The following MYH15 variants were observed in gnomAD, a reference collection of about 807,000 sequenced individuals.
The protein encoded by MYH15 is myosin-15.
A neutral mutation model predicts 240.5 loss-of-function variants in MYH15; 227 were observed. The observed-to-expected ratio is 0.94, with a 90% CI of 0.85 to 1.05. The LOEUF is 1.05. Ranked by LOEUF, MYH15 falls within the 50% of genes least tolerant of loss-of-function variation. The pLI is 0.00. For synonymous variants in MYH15, 785 were observed against 796.7 expected (o/e 0.99, Z 0.25); for missense variants, 2,217 against 2,247.5 (o/e 0.99, Z 0.27).
chr3:108,510,590 G>GAA lies in MYH15; in HGVS notation c.-62_-61dup, dbSNP rs150536264. ...AACGTGAGTAGGCAAGATTCAACCT[G>GAA]AAAAAAAAAAATTGATACAGAGAAG... On this transcript the variant is annotated 5_prime_UTR_variant, in exon 1 of 41. Coordinates refer to ENST00000693548, the MANE Select transcript of MYH15 (RefSeq NM_014981.3). 7.8e-3 allele frequency: 10,610 copies of GAA among 1,361,200 alleles called. 1 individual carries two copies. The highest frequency in any genetic ancestry group is 0.013 in the East Asian group (492 of 36,678). The allele number at this position is 1,361,200 out of a possible 1,614,324, so 84.3% of individuals were successfully genotyped here.
intron 31 of MYH15, 112 bp from the exon 32 acceptor site, chr3:108,408,516 C>T: frequency 9.4e-7 from 1 of 1,060,004 alleles, no homozygotes; most frequent in Non-Finnish European, 1.3e-6. Flanking sequence ...TCATGCCACC[C>T]TTGGTAACTT....
rs754408180 is a variant in MYH15, at chr3:108,500,187, T to A, written c.427A>T (p.Lys143Ter). Reference protein sequence around the residue: ...QKEVMAAYKGKRRSEAPPHIF... With the variant: ...QKEVMAAYKG Reference sequence around the variant, plus strand: ...TGAGGGGGAGCCTCTGATCGCCTCTTCCCTTTGTAGGCGGCCATGACTTCT... The same window carrying A: ...TGAGGGGGAGCCTCTGATCGCCTCTACCCTTTGTAGGCGGCCATGACTTCT... Residue 143 changes from lysine (K) to a stop codon, truncating the protein, a stop_gained, in exon 4 of 41, where the codon AAG becomes TAG. Coordinates refer to ENST00000693548, the MANE Select transcript of MYH15 (RefSeq NM_014981.3). LOFTEE classifies it high-confidence loss of function. The A allele has an allele frequency of 3.7e-6, 6 of 1,613,974 alleles. No homozygotes were observed. Among genetic ancestry groups the A allele is most frequent in the Non-Finnish European group, 5.1e-6 (6 of 1,179,974 alleles).
chr3:108,517,499 A>T, intron 1 of MYH15, among the ~76,000 whole-genome samples: 1 of 152,154 alleles, frequency 6.6e-6, no homozygotes, highest in South Asian at 2.1e-4. Context: ...TGAATGGCTA[A>T]TTTTTGTATT....
chr3:108,532,495 A>G (rs1208874310), upstream of MYH15, among the ~76,000 whole-genome samples: 1 of 152,136 alleles, frequency 6.6e-6, no homozygotes, highest in Non-Finnish European at 1.5e-5. Context: ...ACACTGTCAG[A>G]TCTACTGGTT....
At chr3:108,419,202 T>C (rs1441312666) in intron 28 of MYH15, among the ~76,000 whole-genome samples, 1 of 152,172 alleles carries the variant, frequency 6.6e-6, no homozygotes, top group Admixed American at 6.5e-5. Context: ...AAAGAAACTT[T>C]GGTGATAGCC....
intron 38 of MYH15, among the ~76,000 whole-genome samples, chr3:108,385,039 C>T (rs2082371083): frequency 6.6e-6 from 1 of 152,172 alleles, no homozygotes; most frequent in South Asian, 2.1e-4. Flanking sequence ...TTTGGGTCTT[C>T]AGTCTTTCCA....
At chr3:108,532,016 T>C (rs1459991867), upstream of MYH15, among the ~76,000 whole-genome samples, 1 of 152,040 alleles carries the variant, frequency 6.6e-6, no homozygotes, top group Non-Finnish European at 1.5e-5. Flanking sequence ...ATAAGTAATT[T>C]TTAGGGAAGC....
intron 12 of MYH15, 111 bp from the exon 13 acceptor site, chr3:108,470,958 C>T (rs1178549534): frequency 2.2e-6 from 2 of 910,958 alleles, no homozygotes; most frequent in Non-Finnish European, 3.2e-6. Context: ...CTTTATTGAC[C>T]TTCTGTGCTT....
At chr3:108,400,900 G>A (rs147454658) in intron 33 of MYH15, among the ~76,000 whole-genome samples, 23 of 152,238 alleles carry the variant, frequency 1.5e-4, no homozygotes, top group East Asian at 1.2e-3. Flanking sequence ...GCTACTTTTC[G>A]TGACCCCCAT....
intron 35 of MYH15, among the ~76,000 whole-genome samples, 158 bp from the exon 36 acceptor site, chr3:108,394,314 C>G (rs1424762780): frequency 6.6e-6 from 1 of 152,168 alleles, no homozygotes; most frequent in African/African-American, 2.4e-5. Context: ...TCCCGAAAGG[C>G]TTTTGCCATC....
chr3:108,463,237 A>C lies in MYH15; in HGVS notation c.1738T>G (p.Tyr580Asp). The C allele has an allele frequency of 6.2e-7, 1 of 1,605,456 alleles. No homozygotes were observed. The highest frequency in any genetic ancestry group is 8.5e-7 in the Non-Finnish European group (1 of 1,177,708). The change falls in exon 16 of 41, where the codon TAT becomes GAT. Residue 580 changes from tyrosine to aspartate, a missense_variant. Coordinates refer to ENST00000693548, the MANE Select transcript of MYH15 (RefSeq NM_014981.3). ...ELVHYAGVVP[Y>D]NISGWLEKNK... ...TTTTCCAGCCAACCACTGATATTAT[A>C]AGGTACCTTTGGAAAGGCATGCATT...
At chr3:108,388,833 T>A in intron 38 of MYH15, 137 bp downstream of exon 38, 1 of 647,724 alleles carries the variant, frequency 1.5e-6, no homozygotes, top group Admixed American at 3.2e-5. Flanking sequence ...GGAGGGTGAG[T>A]CAGTGTCTAC....
At chr3:108,518,266 T>C (rs994276437) in intron 1 of MYH15, among the ~76,000 whole-genome samples, 2 of 152,244 alleles carry the variant, frequency 1.3e-5, no homozygotes, top group African/African-American at 2.4e-5. Context: ...TAAATCCAGA[T>C]ACATTAAAGT....
chr3:108,492,615 T>C lies in MYH15; in HGVS notation c.776-20A>G, dbSNP rs1454742563. 1.1e-5 allele frequency: 18 copies of C among 1,576,860 alleles called. No individual in the cohort carries two copies. The highest frequency in any genetic ancestry group is 1.2e-5 in the Non-Finnish European group (14 of 1,148,098). On this transcript the variant is annotated intron_variant, in intron 8 of 40. Transcript: ENST00000693548. ...GCAAATCTGGATGATGAGAAATGAA[T>C]AAAAATTCATACTTAGGCATTCTTG... is the stretch of plus-strand genomic sequence containing the variant.
chr3:108,464,712 C>G lies in MYH15; in HGVS notation c.1657G>C (p.Val553Leu). ...TCAGGCTTGGGCTTCTGGAGATGAACCGACTTTCCAAAATGGTTGTCAAAG... is the reference window on the plus strand; with the variant it reads ...TCAGGCTTGGGCTTCTGGAGATGAAGCGACTTTCCAAAATGGTTGTCAAAG... ...KLFDNHFGKS[V>L]HLQKPKPDKK... is the part of the protein sequence containing the mutation. Residue 553 changes from valine (V) to leucine (L), a missense_variant, in exon 15 of 41, where the codon GTT (valine) becomes CTT (leucine). Val to Leu is a conservative substitution (Grantham distance 32, BLOSUM62 1). Coordinates refer to ENST00000693548, the MANE Select transcript of MYH15 (RefSeq NM_014981.3). 3.7e-6 allele frequency: 6 copies of G among 1,613,910 alleles called. No individual in the cohort carries two copies. Among genetic ancestry groups the G allele is most frequent in the Non-Finnish European group, 5.1e-6 (6 of 1,179,872 alleles).
chr3:108,541,565 C>A, the MYH15 span, among the ~76,000 whole-genome samples: 14 of 151,820 alleles, frequency 9.2e-5, no homozygotes, highest in African/African-American at 3.4e-4. Flanking sequence ...TATATGGTAG[C>A]CATGAAAAAG....
At chr3:108,542,814 C>T in the MYH15 span, among the ~76,000 whole-genome samples, 10 of 152,042 alleles carry the variant, frequency 6.6e-5, no homozygotes, top group East Asian at 3.9e-4. Context: ...TTTCTATTCC[C>T]GTTAGCTTGC....
At chr3:108,506,939 G>A (rs2083481216) in intron 1 of MYH15, among the ~76,000 whole-genome samples, 2 of 152,122 alleles carry the variant, frequency 1.3e-5, no homozygotes, top group Non-Finnish European at 2.9e-5. Flanking sequence ...GCTGAGGCAG[G>A]AGAATCACTT....
intron 1 of MYH15, among the ~76,000 whole-genome samples, chr3:108,523,380 T>C (rs1352563111): frequency 6.6e-6 from 1 of 151,972 alleles, no homozygotes; most frequent in Non-Finnish European, 1.5e-5. Flanking sequence ...ATTAGATATA[T>C]ATCATACTGA....
Sources: allele counts gnomAD v4.1 joint callset (sites outside exome capture counted in the v4.1 genomes callset), GRCh38; gene constraint gnomAD v4.1.1; transcripts MANE v1.5; gene names NCBI Gene and HGNC (gene_info 2026-07-23, HGNC 2026-07-21).